OXR1: variants seen among roughly 807,000 people sequenced by gnomAD.
OXR1 encodes the protein oxidation resistance protein 1.
In OXR1, 41 loss-of-function variants were observed where a neutral mutation model predicts 104.6. The observed-to-expected ratio is 0.39, with a 90% CI of 0.31 to 0.51. OXR1 has a LOEUF of 0.51. Among genes scored for constraint, OXR1 ranks in the 20% least tolerant of loss-of-function variants. The probability of loss-of-function intolerance (pLI) is 0.77; values close to 1 mark genes in which losing one functional copy is unlikely to be tolerated. For missense variants in OXR1, 955 were observed against 1,031.9 expected (o/e 0.93, Z 1.02); for synonymous variants, 348 against 348.4 (o/e 1.00, Z 0.01).
chr8:106,663,211 A>C (rs1426991678), intron 3 of OXR1, among the ~76,000 whole-genome samples: 1 of 152,180 alleles, frequency 6.6e-6, no homozygotes, highest in Non-Finnish European at 1.5e-5. Flanking sequence ...ACATAGTACT[A>C]TTATTATCCT....
chr8:106,678,590 TTGA>T (rs1827831246), intron 3 of OXR1, among the ~76,000 whole-genome samples: 1 of 152,024 alleles, frequency 6.6e-6, no homozygotes, highest in Non-Finnish European at 1.5e-5. Context: ...TTCGCTAATC[TTGA>T]TGATAATGAA....
intron 1 of OXR1, among the ~76,000 whole-genome samples, chr8:106,297,800 T>C (rs1563702130): frequency 6.6e-6 from 1 of 152,150 alleles, no homozygotes; most frequent in Admixed American, 6.6e-5. Flanking sequence ...TTTTCAAACA[T>C]GCACAACTCT....
chr8:106,320,463 C>T (rs1814168945), intron 1 of OXR1, among the ~76,000 whole-genome samples: 1 of 152,150 alleles, frequency 6.6e-6, no homozygotes, highest in South Asian at 2.1e-4. Context: ...CTCATAGGCT[C>T]ATAATTCCAT....
Position 106,311,966 on chromosome 8 carries a change from G to A in OXR1, c.-139+41599G>A, listed in dbSNP as rs1259399757. Among the ~76,000 whole-genome samples the A allele has an allele frequency of 2.0e-5, 3 of 151,704 alleles. 1 individual carries two copies. In the South Asian group the frequency reaches 6.2e-4, roughly 32 times the overall value. ...CTTCTTATTCTCATTGTTCTTTTGG[G>A]CCTCTGACTTTTATATCCTCATCTT... On this transcript the variant is annotated intron_variant, in intron 1 of 16. Coordinates refer to ENST00000517566, the MANE Select transcript of OXR1 (RefSeq NM_001198533.2).
intron 1 of OXR1, among the ~76,000 whole-genome samples, chr8:106,339,505 AAAAAAAAAAAAAAAATATATATAT>A (rs1441250916): frequency 6.9e-5 from 3 of 43,204 alleles, no homozygotes; most frequent in Non-Finnish European, 1.1e-4. Context: ...AAAAAAAAAA[AAAAAAAAAAAAAAAATATATATAT>A]ATATATATAT....
intron 3 of OXR1, among the ~76,000 whole-genome samples, chr8:106,640,281 A>AAT: frequency 6.6e-6 from 1 of 151,646 alleles, no homozygotes; most frequent in Non-Finnish European, 1.5e-5. Flanking sequence ...CATATATACA[A>AAT]ATATATACAT....
chr8:106,351,341 G>T (rs181741468), intron 1 of OXR1, among the ~76,000 whole-genome samples: 8 of 152,260 alleles, frequency 5.3e-5, no homozygotes, highest in Non-Finnish European at 1.0e-4. Context: ...TCTGAAGGTT[G>T]TCATGGAATA....
At chr8:106,518,229 G>T (rs1460558592) in intron 2 of OXR1, among the ~76,000 whole-genome samples, 1 of 152,206 alleles carries the variant, frequency 6.6e-6, no homozygotes, top group Non-Finnish European at 1.5e-5. Flanking sequence ...ACATCAGCCT[G>T]CAGAAGTACC....
chr8:106,670,914 G>A (rs1826879753), intron 3 of OXR1, among the ~76,000 whole-genome samples: 1 of 151,594 alleles, frequency 6.6e-6, no homozygotes, highest in Non-Finnish European at 1.5e-5. Flanking sequence ...GCGTGGTGGT[G>A]CGTGCCTGTA....
chr8:106,466,690 TAC>T (rs1284892670), intron 2 of OXR1, among the ~76,000 whole-genome samples: 1 of 151,882 alleles, frequency 6.6e-6, no homozygotes, highest in Admixed American at 6.6e-5. Flanking sequence ...TAAGAAAATC[TAC>T]AGTTTGCATC....
At chr8:106,683,894 T>C (rs1056707884) in intron 5 of OXR1, among the ~76,000 whole-genome samples, 1 of 152,214 alleles carries the variant, frequency 6.6e-6, no homozygotes, top group African/African-American at 2.4e-5. Flanking sequence ...TCTGTTTTTC[T>C]TTAAATGTAA....
At chr8:106,381,922 CA>C (rs1162831156) in intron 2 of OXR1, among the ~76,000 whole-genome samples, 4 of 152,160 alleles carry the variant, frequency 2.6e-5, no homozygotes, top group African/African-American at 9.7e-5. Context: ...GAAATGGTTA[CA>C]AACATTAATC....
At chr8:106,408,103 G>A (rs781113837) in intron 2 of OXR1, among the ~76,000 whole-genome samples, 1 of 152,154 alleles carries the variant, frequency 6.6e-6, no homozygotes, top group African/African-American at 2.4e-5. Context: ...CAATGCACAG[G>A]ACGGCCCATG....
chr8:106,421,560 C>T (rs1275490026), intron 2 of OXR1, among the ~76,000 whole-genome samples: 3 of 152,110 alleles, frequency 2.0e-5, no homozygotes, highest in Non-Finnish European at 4.4e-5. Flanking sequence ...ACATGCCCAA[C>T]TCAGGATTGC....
At chr8:106,658,099 A>C (rs1320915157) in intron 3 of OXR1, 1 of 1,247,840 alleles carries the variant, frequency 8.0e-7, no homozygotes, top group African/African-American at 1.6e-5. Context: ...CGCTTCGAAG[A>C]TTACCTGAGG....
chr8:106,642,025 G>A (rs1433151512), intron 3 of OXR1, among the ~76,000 whole-genome samples: 1 of 152,056 alleles, frequency 6.6e-6, no homozygotes, highest in Non-Finnish European at 1.5e-5. Context: ...TCCCAGCTCA[G>A]TGTCCCAAGT....
chr8:106,752,380 A>T lies in OXR1; in HGVS notation c.*1439A>T, dbSNP rs2131621618. ...AGTTCTTTTGAAAGTTTAGATAATT[A>T]TTTAAAGAAAGCATAATGCTAATGG... On this transcript the variant is annotated 3_prime_UTR_variant, in exon 17 of 17. Coordinates refer to ENST00000517566, the MANE Select transcript of OXR1 (RefSeq NM_001198533.2). 1 of 152,666 alleles carries T rather than the reference A, an allele frequency of 6.6e-6. No homozygotes were observed. Among genetic ancestry groups the T allele is most frequent in the African/African-American group, 2.4e-5 (1 of 41,578 alleles). The allele number at this position is 152,666 out of a possible 1,614,324, so 9.5% of individuals were successfully genotyped here.
chr8:106,446,503 A>C (rs544720652), intron 2 of OXR1, among the ~76,000 whole-genome samples: 3 of 152,080 alleles, frequency 2.0e-5, no homozygotes, highest in Admixed American at 2.0e-4. Flanking sequence ...CTATAATCCC[A>C]ACTTCTCAGG....
At chr8:106,411,138 A>G (rs1187553350) in intron 2 of OXR1, among the ~76,000 whole-genome samples, 1 of 152,162 alleles carries the variant, frequency 6.6e-6, no homozygotes, top group Middle Eastern at 3.2e-3. Context: ...ATTTATAGAG[A>G]ATTTGATCTA....
Sources: allele counts gnomAD v4.1 joint callset (sites outside exome capture counted in the v4.1 genomes callset), GRCh38; gene constraint gnomAD v4.1.1; transcripts MANE v1.5; gene names NCBI Gene and HGNC (gene_info 2026-07-23, HGNC 2026-07-21).